The following PDZRN3 variants were observed in gnomAD, a reference collection of about 807,000 sequenced individuals.
The protein encoded by PDZRN3 is E3 ubiquitin-protein ligase PDZRN3.
PDZRN3 carries 38 observed loss-of-function variants against 85.7 expected under a neutral mutation model. The ratio of observed to expected loss-of-function variants is 0.44; its 90% CI spans 0.34 to 0.58. The LOEUF (loss-of-function observed/expected upper bound fraction) is 0.58. Ranked by LOEUF, PDZRN3 falls within the 20% of genes least tolerant of loss-of-function variation. The pLI is 0.01. For synonymous variants in PDZRN3, 759 were observed against 638.0 expected (o/e 1.19, Z -2.86); for missense variants, 1,629 against 1,506.4 (o/e 1.08, Z -1.35).
chr3:73,536,637 C>T (rs547085410), intron 3 of PDZRN3, among the ~76,000 whole-genome samples: 44 of 152,310 alleles, frequency 2.9e-4, no homozygotes, highest in East Asian at 1.5e-3. Flanking sequence ...AACCAATATA[C>T]GTAATTTAGA....
At chr3:73,551,633 G>C (rs1023596944) in intron 3 of PDZRN3, among the ~76,000 whole-genome samples, 1 of 145,412 alleles carries the variant, frequency 6.9e-6, no homozygotes, top group African/African-American at 2.6e-5. Flanking sequence ...AGGCTGCAGC[G>C]AACTGTGATT....
chr3:73,579,232 G>C (rs1239052695), intron 3 of PDZRN3, among the ~76,000 whole-genome samples: 1 of 152,132 alleles, frequency 6.6e-6, no homozygotes, highest in Non-Finnish European at 1.5e-5. Flanking sequence ...CTTTGATGCA[G>C]ACAGCCTTTA....
At chr3:73,485,242 C>G (rs1039024195) in intron 3 of PDZRN3, among the ~76,000 whole-genome samples, 5 of 151,524 alleles carry the variant, frequency 3.3e-5, no homozygotes, top group African/African-American at 1.2e-4. Context: ...AAAAATCTGA[C>G]ATACAGATTC....
intron 4 of PDZRN3, among the ~76,000 whole-genome samples, chr3:73,402,960 T>TTTTTTTTTTTTTTTTTTTTTTTG (rs1429244382): frequency 1.0e-5 from 1 of 98,944 alleles, no homozygotes; most frequent in African/African-American, 3.7e-5. Flanking sequence ...TTTTTTTTTT[T>TTTTTTTTTTTTTTTTTTTTTTTG]TGAGACGGAG....
intron 3 of PDZRN3, among the ~76,000 whole-genome samples, chr3:73,527,265 G>A (rs1704545919): frequency 6.6e-6 from 1 of 152,186 alleles, no homozygotes; most frequent in South Asian, 2.1e-4. Flanking sequence ...TAGGTGCTCA[G>A]TAAAAGGCAG....
At chr3:73,437,090 G>C (rs899178094) in intron 3 of PDZRN3, among the ~76,000 whole-genome samples, 39 of 140,338 alleles carry the variant, frequency 2.8e-4, no homozygotes, top group African/African-American at 1.0e-3. Flanking sequence ...AAGGACTGTT[G>C]TTTATATGGG....
intron 1 of PDZRN3, among the ~76,000 whole-genome samples, chr3:73,610,841 T>C (rs1443612864): frequency 6.6e-6 from 1 of 152,232 alleles, no homozygotes; most frequent in Non-Finnish European, 1.5e-5. Flanking sequence ...AATAATCTTA[T>C]TACATTGCAT....
intron 3 of PDZRN3, among the ~76,000 whole-genome samples, chr3:73,568,509 G>C (rs893960452): frequency 1.3e-5 from 2 of 152,156 alleles, no homozygotes; most frequent in African/African-American, 2.4e-5. Flanking sequence ...ACAGCTGAGA[G>C]TCGCTCTCCT....
At position 73,624,433 on chromosome 3, in the gene PDZRN3, G is replaced by C; in HGVS notation, c.393C>G (p.Arg131=). ...LLRRDVEAHM[R]DACDARPVGR... ...CCACTGGCCGCGCGTCGCAGGCGTCGCGCATGTGCGCCTCCACGTCGCGCC... is the reference window on the plus strand; with the variant it reads ...CCACTGGCCGCGCGTCGCAGGCGTCCCGCATGTGCGCCTCCACGTCGCGCC... Residue 131 remains arginine (R), a synonymous_variant, in exon 1 of 10, where the codon CGC becomes CGG. Transcript: ENST00000263666. 1 of 1,323,944 alleles carries C rather than the reference G, an allele frequency of 7.6e-7. No individual in the cohort carries two copies. The highest frequency in any genetic ancestry group is 9.6e-7 in the Non-Finnish European group (1 of 1,043,274). The allele number at this position is 1,323,944 out of a possible 1,614,324, so 82.0% of individuals were successfully genotyped here.
At chr3:73,552,178 T>C (rs950039773) in intron 3 of PDZRN3, among the ~76,000 whole-genome samples, 21 of 151,916 alleles carry the variant, frequency 1.4e-4, no homozygotes, top group Admixed American at 1.1e-3. Context: ...GTACCTCAGT[T>C]TCCCCACCTA....
intron 5 of PDZRN3, 152 bp downstream of exon 5, chr3:73,400,770 G>T: frequency 1.5e-6 from 1 of 649,268 alleles, no homozygotes. Flanking sequence ...AAGAATCTCA[G>T]TTGTGCCTTT....
chr3:73,581,804 T>TA (rs3831963), intron 3 of PDZRN3, among the ~76,000 whole-genome samples: 58,431 of 145,260 alleles, frequency 0.4, 11,663 homozygotes, highest in South Asian at 0.46. Flanking sequence ...AGACAATGAT[T>TA]AAAAAAAAAA....
At chr3:73,550,234 C>T (rs559437674) in intron 3 of PDZRN3, among the ~76,000 whole-genome samples, 4 of 152,286 alleles carry the variant, frequency 2.6e-5, no homozygotes, top group South Asian at 2.1e-4. Context: ...TGCAAAGTCT[C>T]GCCGCCACCC....
intron 2 of PDZRN3, among the ~76,000 whole-genome samples, chr3:73,604,820 G>A (rs1487891788): frequency 6.6e-6 from 1 of 152,146 alleles, no homozygotes; most frequent in Non-Finnish European, 1.5e-5. Flanking sequence ...TAACTCTTAA[G>A]GAGTACTAGA....
Position 73,383,369 on chromosome 3 carries a change from A to G in PDZRN3, c.3197T>C (p.Val1066Ala). Residue 1066 changes from valine to alanine, a missense_variant, in exon 10 of 10, where the codon GTA becomes GCA. By Grantham distance (64) the Val-to-Ala change is moderately conservative. Transcript: ENST00000263666. ...TACATAATGCAGAAGTGAAAATTATACAGTAGTCACCGATAGGAAGGAATT... is the reference window on the plus strand; with the variant it reads ...TACATAATGCAGAAGTGAAAATTATGCAGTAGTCACCGATAGGAAGGAATT... ...VYNSFLSVTT[V>A] The G allele has an allele frequency of 6.2e-7, 1 of 1,603,036 alleles. No individual in the cohort carries two copies. The highest frequency in any genetic ancestry group is 8.5e-7 in the Non-Finnish European group (1 of 1,174,648).
chr3:73,489,760 A>G (rs936777716), intron 3 of PDZRN3, among the ~76,000 whole-genome samples: 1 of 151,630 alleles, frequency 6.6e-6, no homozygotes, highest in Non-Finnish European at 1.5e-5. Flanking sequence ...TTTAGTAGAG[A>G]TGGTGTTTCA....
At chr3:73,597,966 C>G (rs1024374839) in intron 3 of PDZRN3, among the ~76,000 whole-genome samples, 5 of 151,702 alleles carry the variant, frequency 3.3e-5, no homozygotes, top group Non-Finnish European at 7.4e-5. Context: ...GCTGGACTTA[C>G]GAAGAGATGG....
rs189067621 is a variant in PDZRN3, at chr3:73,568,075, A to G, written c.918+34279T>C. On this transcript the variant is annotated intron_variant, in intron 3 of 9. Coordinates refer to ENST00000263666, the MANE Select transcript of PDZRN3 (RefSeq NM_015009.3). ...TGGCTTCTTTTGATAGGTAACAGAC[A>G]AGCAACAAAGATAGGGGATTAGGGA... Among the ~76,000 whole-genome samples the G allele has an allele frequency of 1.7e-3, 264 of 152,298 alleles. 1 individual carries two copies. Among genetic ancestry groups the G allele is most frequent in the Middle Eastern group, 0.014 (4 of 294 alleles).
At chr3:73,523,384 T>C (rs1055537543) in intron 3 of PDZRN3, among the ~76,000 whole-genome samples, 2 of 152,188 alleles carry the variant, frequency 1.3e-5, no homozygotes, top group African/African-American at 4.8e-5. Flanking sequence ...GATTACATAA[T>C]GGACTACCTT....
Sources: gnomAD v4.1 joint callset for allele counts (sites outside exome capture counted in the v4.1 genomes callset) on GRCh38, gnomAD v4.1.1 for gene constraint, MANE v1.5 for transcripts, NCBI Gene and HGNC (gene_info 2026-07-23, HGNC 2026-07-21) for gene names.